CNTN5: variants seen among roughly 807,000 people sequenced by gnomAD.
CNTN5 encodes the protein contactin 5, also known as contactin-5.
Under a neutral mutation model 129.1 loss-of-function variants are expected in CNTN5, and 77 were observed. That is an observed-to-expected ratio of 0.60 (90% confidence interval 0.50 to 0.72). The LOEUF is 0.72. Ranked by LOEUF, CNTN5 falls within the 30% of genes least tolerant of loss-of-function variation. CNTN5 has a pLI of 0.00. For synonymous variants in CNTN5, 509 were observed against 465.6 expected (o/e 1.09, Z -1.20); for missense variants, 1,478 against 1,328.8 (o/e 1.11, Z -1.75).
chr11:99,241,490 C>A (rs1467853238), intron 1 of CNTN5, among the ~76,000 whole-genome samples: 1 of 151,960 alleles, frequency 6.6e-6, no homozygotes, highest in Non-Finnish European at 1.5e-5. Flanking sequence ...CAACTCAAAG[C>A]AGAGAGCAAG....
At chr11:99,225,628 C>T (rs1206365086) in intron 1 of CNTN5, among the ~76,000 whole-genome samples, 1 of 152,096 alleles carries the variant, frequency 6.6e-6, no homozygotes, top group Non-Finnish European at 1.5e-5. Flanking sequence ...ATTCTCACTA[C>T]CAAATCTGCA....
intron 1 of CNTN5, among the ~76,000 whole-genome samples, chr11:99,154,695 T>C (rs2135497562): frequency 6.6e-6 from 1 of 152,170 alleles, no homozygotes; most frequent in South Asian, 2.1e-4. Flanking sequence ...CTGTCTGCTG[T>C]AATAGGTGCT....
At chr11:99,616,345 C>T (rs1000885750) in intron 3 of CNTN5, among the ~76,000 whole-genome samples, 2 of 152,174 alleles carry the variant, frequency 1.3e-5, no homozygotes, top group African/African-American at 4.8e-5. Context: ...TGGCTTTACA[C>T]TTCCTGCCAT....
rs376540799 is a variant in CNTN5, at chr11:99,042,163, A to G, written c.-210+20893A>G. On this transcript the variant is annotated intron_variant, in intron 1 of 24. Transcript: ENST00000524871. Reference sequence around the variant, plus strand: ...ATACTGAGTATGTCCCTTCCACAGCATACCTCCCTTCTTTATTTTTTTAGG... The same window carrying G: ...ATACTGAGTATGTCCCTTCCACAGCGTACCTCCCTTCTTTATTTTTTTAGG... Among the ~76,000 whole-genome samples the G allele has an allele frequency of 2.1e-4, 32 of 152,126 alleles. No individual in the cohort carries two copies. In the East Asian group the frequency reaches 4.3e-3, roughly 20 times the overall value.
rs370885280 is a variant in CNTN5, at chr11:100,119,159, C to T, written c.1580+44865C>T. Among the ~76,000 whole-genome samples, 35 of 151,946 alleles carry T rather than the reference C, an allele frequency of 2.3e-4. No individual in the cohort carries two copies. In the East Asian group the frequency reaches 6.2e-3, roughly 27 times the overall value. On this transcript the variant is annotated intron_variant, in intron 13 of 24. Transcript: ENST00000524871. ...ATAGAACAGCCACTGAAGATATTATCCTAAACTTTTATTTGGCTTGGTTTG... is the reference window on the plus strand; with the variant it reads ...ATAGAACAGCCACTGAAGATATTATTCTAAACTTTTATTTGGCTTGGTTTG...
intron 4 of CNTN5, among the ~76,000 whole-genome samples, chr11:99,835,753 T>G (rs1166605075): frequency 6.6e-6 from 1 of 152,206 alleles, no homozygotes; most frequent in African/African-American, 2.4e-5. Context: ...TGGAGCACTA[T>G]AACTGGTCAA....
chr11:99,939,201 A>G (rs564515500), intron 7 of CNTN5, among the ~76,000 whole-genome samples: 4 of 152,210 alleles, frequency 2.6e-5, no homozygotes, highest in African/African-American at 7.2e-5. Flanking sequence ...TTTCTTTTCT[A>G]TTTAGTTCAG....
At chr11:100,296,812 TTATGAG>T (rs879906486) in intron 18 of CNTN5, among the ~76,000 whole-genome samples, 13 of 151,670 alleles carry the variant, frequency 8.6e-5, no homozygotes, top group Non-Finnish European at 1.8e-4. Flanking sequence ...AATTTATTGT[TTATGAG>T]TATATCAATA....
intron 9 of CNTN5, among the ~76,000 whole-genome samples, chr11:100,060,161 G>A (rs1487502601): frequency 6.6e-6 from 1 of 150,908 alleles, no homozygotes; most frequent in African/African-American, 2.4e-5. Flanking sequence ...AGCTGAGATC[G>A]TGCCACTGCA....
chr11:99,560,798 T>G (rs1482866048), intron 3 of CNTN5, among the ~76,000 whole-genome samples: 2 of 152,094 alleles, frequency 1.3e-5, no homozygotes, highest in African/African-American at 4.8e-5. Flanking sequence ...AGGCAGATGG[T>G]GGAGGCCAGG....
intron 16 of CNTN5, among the ~76,000 whole-genome samples, chr11:100,242,098 T>G (rs957782717): frequency 2.0e-5 from 3 of 152,184 alleles, no homozygotes; most frequent in Non-Finnish European, 4.4e-5. Flanking sequence ...TTCTAATCCC[T>G]GTATAAACTG....
intron 16 of CNTN5, chr11:100,225,558 A>T (rs940594125): frequency 6.6e-6 from 1 of 151,862 alleles, no homozygotes; most frequent in Non-Finnish European, 1.5e-5. Context: ...TTTGAAGTAC[A>T]ATATTTCTAC....
At chr11:99,784,885 C>T (rs551737533) in intron 3 of CNTN5, among the ~76,000 whole-genome samples, 7 of 150,402 alleles carry the variant, frequency 4.7e-5, no homozygotes, top group South Asian at 2.1e-4. Context: ...CTGCAACCTC[C>T]GCCTCCCAGG....
intron 1 of CNTN5, among the ~76,000 whole-genome samples, chr11:99,290,310 T>C (rs1542497): frequency 0.6 from 91,383 of 151,554 alleles, 28,319 homozygotes; most frequent in East Asian, 0.75. Flanking sequence ...GTGCTTGTAA[T>C]TTTAAAGGAG....
intron 13 of CNTN5, among the ~76,000 whole-genome samples, chr11:100,129,227 A>G (rs1191589023): frequency 6.6e-6 from 1 of 152,064 alleles, no homozygotes; most frequent in Non-Finnish European, 1.5e-5. Flanking sequence ...AGCGTGCGTT[A>G]TGCCAGTTTA....
rs1012381901 is a variant in CNTN5 at position 99,578,857 on chromosome 11, G to C, written c.55+22588G>C. Among the ~76,000 whole-genome samples, 24 of 152,060 alleles carry C rather than the reference G, an allele frequency of 1.6e-4. 1 individual carries two copies. Among genetic ancestry groups the C allele is most frequent in the Non-Finnish European group, 3.2e-4 (22 of 68,022 alleles). On this transcript the variant is annotated intron_variant, in intron 3 of 24. Transcript: ENST00000524871. Reference sequence around the variant, plus strand: ...AATTAGATCCCATTTGTCAATTTTGGCTTTTGTCGCCATTGCTTTTGGTGT... The same window carrying C: ...AATTAGATCCCATTTGTCAATTTTGCCTTTTGTCGCCATTGCTTTTGGTGT...
At position 100,358,009 on chromosome 11, in the gene CNTN5, C is replaced by T. The variant is rs1181585194; in HGVS notation, c.*1789C>T. ...ATGACCAAGTGGCCTTTCTTGAACG[C>T]CTCCTTTAAAGTGGGAGAGGCTGGA... is the stretch of plus-strand genomic sequence containing the variant. On this transcript the variant is annotated 3_prime_UTR_variant, in exon 25 of 25. Coordinates refer to ENST00000524871, the MANE Select transcript of CNTN5 (RefSeq NM_014361.4). The T allele has an allele frequency of 6.6e-6, 1 of 151,840 alleles. No homozygotes were observed. The highest frequency in any genetic ancestry group is 1.5e-5 in the Non-Finnish European group (1 of 67,820). 9.4% of individuals were successfully genotyped at this position (151,840 alleles called of 1,614,324 possible). A position where few individuals can be genotyped will look rare whatever the true frequency, so the allele number is the denominator to read the frequency against.
At chr11:99,394,057 C>T (rs546616228) in intron 2 of CNTN5, among the ~76,000 whole-genome samples, 7 of 151,692 alleles carry the variant, frequency 4.6e-5, no homozygotes, top group African/African-American at 1.7e-4. Context: ...AGTTTCATGC[C>T]TTCTATATTT....
chr11:100,350,948 T>G (rs1261676287), intron 24 of CNTN5, 78 bp downstream of exon 24: 1 of 1,107,340 alleles, frequency 9.0e-7, no homozygotes, highest in East Asian at 2.5e-5. Flanking sequence ...AAAATTGATG[T>G]GATAGATTTC....
Sources: gnomAD v4.1 joint callset for allele counts (sites outside exome capture counted in the v4.1 genomes callset) on GRCh38, gnomAD v4.1.1 for gene constraint, MANE v1.5 for transcripts, NCBI Gene and HGNC (gene_info 2026-07-23, HGNC 2026-07-21) for gene names.